Variants in CXXC5 observed in about 807,000 individuals in gnomAD.
CXXC5 encodes CXXC finger protein 5.
A neutral mutation model predicts 17.6 loss-of-function variants in CXXC5; 2 were observed. The observed-to-expected ratio is 0.11, with a 90% CI of 0.05 to 0.36. The LOEUF (loss-of-function observed/expected upper bound fraction) is 0.36, where lower values mean the gene tolerates loss of function less well. Ranked by LOEUF, CXXC5 falls within the 10% of genes least tolerant of loss-of-function variation. The pLI is 1.00. For missense variants in CXXC5, 343 were observed against 458.3 expected (o/e 0.75, Z 2.30); for synonymous variants, 171 against 193.0 (o/e 0.89, Z 0.94).
At chr5:139,659,671 T>C (rs1755676147) in intron 1 of CXXC5, 1 of 152,200 alleles carries the variant, frequency 6.6e-6, no homozygotes, top group Non-Finnish European at 1.5e-5. Context: ...AAGGTCCTCC[T>C]GGGAGGTTCC....
chr5:139,671,185 C>T (rs1252058270), intron 1 of CXXC5, among the ~76,000 whole-genome samples: 5 of 152,220 alleles, frequency 3.3e-5, no homozygotes, highest in Non-Finnish European at 5.9e-5. Context: ...GCCAGGATGG[C>T]GTGGGATGGG....
chr5:139,664,806 T>G (rs1419365301), intron 1 of CXXC5, among the ~76,000 whole-genome samples: 1 of 152,112 alleles, frequency 6.6e-6, no homozygotes, highest in East Asian at 1.9e-4. Context: ...CAGCCTCACC[T>G]CCACTGTCCA....
chr5:139,669,348 C>T (rs1756315603), intron 1 of CXXC5, among the ~76,000 whole-genome samples: 1 of 152,166 alleles, frequency 6.6e-6, no homozygotes, highest in South Asian at 2.1e-4. Context: ...ACACCCCAGC[C>T]CCTGGCTGAT....
intron 1 of CXXC5, among the ~76,000 whole-genome samples, chr5:139,650,679 G>T (rs937233864): frequency 1.3e-5 from 2 of 152,148 alleles, no homozygotes; most frequent in East Asian, 1.9e-4. Flanking sequence ...CGTCTTGGGG[G>T]ACCTACTGGC....
At chr5:139,666,954 G>T (rs1020365681) in intron 1 of CXXC5, among the ~76,000 whole-genome samples, 4 of 152,198 alleles carry the variant, frequency 2.6e-5, no homozygotes, top group Admixed American at 2.0e-4. Flanking sequence ...AACGGAGTCA[G>T]CCCACCCAGC....
chr5:139,682,751 C>A, intron 2 of CXXC5, 112 bp from the exon 3 acceptor site: 1 of 1,148,798 alleles, frequency 8.7e-7, no homozygotes, highest in Non-Finnish European at 1.2e-6. Flanking sequence ...GCTGCTCTTC[C>A]TCCATGCCTG....
rs2126756117 is a variant in CXXC5 at position 139,658,421 on chromosome 5, G to T, written c.-161+9576G>T. Among the ~76,000 whole-genome samples, 1 of 152,284 alleles carries T rather than the reference G, an allele frequency of 6.6e-6. No homozygotes were observed. The highest frequency in any genetic ancestry group is 2.4e-5 in the African/African-American group (1 of 41,552). ...ACACTGAAGCTCTAGGGGTCAGGCT[G>T]CCCTGAGGTCACAGGGCCTCTTGTC... is the stretch of plus-strand genomic sequence containing the variant. On this transcript the variant is annotated intron_variant, in intron 1 of 2. Coordinates refer to ENST00000302517, the MANE Select transcript of CXXC5 (RefSeq NM_016463.9). This position sits in a 1 kb window ranked among gnomAD's most constrained non-coding sequence, Gnocchi z 4.1.
Position 139,670,762 on chromosome 5 carries a change from G to A in CXXC5, c.-160-9602G>A, listed in dbSNP as rs1756419746. Reference sequence around the variant, plus strand: ...ACTTTACCCTCAGGGAGGTCACAGAGTCAAAGATCTCCCCCAGCACTGCTA... The same window carrying A: ...ACTTTACCCTCAGGGAGGTCACAGAATCAAAGATCTCCCCCAGCACTGCTA... On this transcript the variant is annotated intron_variant, in intron 1 of 2. Transcript: ENST00000302517. The surrounding 1 kb of genome is among the most constrained non-coding windows in gnomAD (Gnocchi z 4.2). Among the ~76,000 whole-genome samples the A allele has an allele frequency of 6.6e-6, 1 of 152,166 alleles. No individual in the cohort carries two copies. The highest frequency in any genetic ancestry group is 1.5e-5 in the Non-Finnish European group (1 of 68,042).
intron 1 of CXXC5, among the ~76,000 whole-genome samples, chr5:139,674,255 C>T (rs1024442995): frequency 1.8e-4 from 28 of 152,128 alleles, no homozygotes; most frequent in African/African-American, 6.3e-4. Flanking sequence ...AAATCAGAGA[C>T]GGGACACCCT....
In CXXC5 at chr5:139,658,686, G is replaced by A. The variant is rs1018890540; in HGVS notation, c.-161+9841G>A. 2.0e-5 allele frequency among the ~76,000 whole-genome samples: 3 copies of A among 152,194 alleles called. No homozygotes were observed. Among genetic ancestry groups the A allele is most frequent in the Non-Finnish European group, 4.4e-5 (3 of 68,012 alleles). ...CAGGCTGTTGCTTCCAGCAACAGCC[G>A]GCAGGGCCGGGCGGCTTCCCAGCTC... On this transcript the variant is annotated intron_variant, in intron 1 of 2. Coordinates refer to ENST00000302517, the MANE Select transcript of CXXC5 (RefSeq NM_016463.9). This position sits in a 1 kb window ranked among gnomAD's most constrained non-coding sequence, Gnocchi z 4.1.
intron 1 of CXXC5, among the ~76,000 whole-genome samples, chr5:139,673,916 C>T (rs1431520174): frequency 1.3e-5 from 2 of 151,580 alleles, no homozygotes; most frequent in African/African-American, 4.9e-5. Flanking sequence ...AGTCCTCAGG[C>T]CAAGGCATGG....
intron 1 of CXXC5, among the ~76,000 whole-genome samples, chr5:139,653,242 C>T (rs981152927): frequency 7.2e-5 from 11 of 152,148 alleles, no homozygotes; most frequent in African/African-American, 2.4e-4. Context: ...CGTGTATCCA[C>T]GGCAATGGTA....
At chr5:139,650,743 C>T (rs936861947) in intron 1 of CXXC5, among the ~76,000 whole-genome samples, 6 of 152,184 alleles carry the variant, frequency 3.9e-5, no homozygotes, top group Non-Finnish European at 8.8e-5. Context: ...GGTTTCCAAC[C>T]GCCACTAGAA....
At chr5:139,656,604 A>G (rs1002292257) in intron 1 of CXXC5, among the ~76,000 whole-genome samples, 2 of 152,182 alleles carry the variant, frequency 1.3e-5, no homozygotes, top group Non-Finnish European at 2.9e-5. Flanking sequence ...CAGCCTTGCA[A>G]TGGGATATGG....
chr5:139,669,220 C>T (rs998845312), intron 1 of CXXC5, among the ~76,000 whole-genome samples: 4 of 152,334 alleles, frequency 2.6e-5, no homozygotes, highest in Admixed American at 2.0e-4. Context: ...TGTCCCCGCC[C>T]GCTCTAAGCG....
At chr5:139,655,625 A>AC (rs1458476888) in intron 1 of CXXC5, among the ~76,000 whole-genome samples, 1 of 151,114 alleles carries the variant, frequency 6.6e-6, no homozygotes, top group African/African-American at 2.4e-5. Context: ...GACATCTCTG[A>AC]CCATCTCCCT....
rs1445655093 is a variant in CXXC5, at chr5:139,683,373, G to GGAA, written c.*466_*467insGAA. 4 of 152,938 alleles carry GGAA rather than the reference G, an allele frequency of 2.6e-5. No individual in the cohort carries two copies. The East Asian group carries it at 7.7e-4, about 29-fold the overall frequency. 9.5% of individuals were successfully genotyped at this position (152,938 alleles called of 1,614,324 possible). On this transcript the variant is annotated 3_prime_UTR_variant, in exon 3 of 3. Coordinates refer to ENST00000302517, the MANE Select transcript of CXXC5 (RefSeq NM_016463.9). ...ATTTAAACTTCCTTTGATTCTTTCC[G>GGAA]ACCATGAAATAGTGCATAGTTTGCC...
At chr5:139,662,109 G>A (rs1259857590) in intron 1 of CXXC5, among the ~76,000 whole-genome samples, 1 of 152,270 alleles carries the variant, frequency 6.6e-6, no homozygotes, top group South Asian at 2.1e-4. Context: ...GAGATGGGGG[G>A]AAGAATGAGA....
Position 139,658,241 on chromosome 5 carries a change from C to A in CXXC5, c.-161+9396C>A, listed in dbSNP as rs1755597655. Among the ~76,000 whole-genome samples the A allele has an allele frequency of 6.6e-6, 1 of 152,162 alleles. No homozygotes were observed. The highest frequency in any genetic ancestry group is 6.5e-5 in the Admixed American group (1 of 15,272). ...TCTTGGTGGCCTAGAATTTCTTAGT[C>A]ATGGGAGTCTAGAATCATAGATAGA... On this transcript the variant is annotated intron_variant, in intron 1 of 2. Coordinates refer to ENST00000302517, the MANE Select transcript of CXXC5 (RefSeq NM_016463.9). The surrounding 1 kb of genome is among the most constrained non-coding windows in gnomAD (Gnocchi z 4.1).
Sources: allele counts gnomAD v4.1 joint callset (sites outside exome capture counted in the v4.1 genomes callset), GRCh38; gene constraint gnomAD v4.1.1; non-coding constraint Gnocchi (gnomAD v3.1); transcripts MANE v1.5; gene names NCBI Gene and HGNC (gene_info 2026-07-23, HGNC 2026-07-21).